The following ATP10A variants were observed in gnomAD, a reference collection of about 807,000 sequenced individuals.
ATP10A encodes the protein ATPase phospholipid transporting 10A (putative), also known as phospholipid-transporting ATPase VA.
A neutral mutation model predicts 147.8 loss-of-function variants in ATP10A; 111 were observed. That is an observed-to-expected ratio of 0.75 (90% CI 0.64 to 0.88). The LOEUF (loss-of-function observed/expected upper bound fraction) is 0.88. ATP10A is among the 40% of genes least tolerant of loss of function. The pLI is 0.00. For synonymous variants in ATP10A, 875 were observed against 841.6 expected, an observed-to-expected ratio of 1.04 and a Z score of -0.69; for missense variants, 1,927 against 1,959.0, an observed-to-expected ratio of 0.98 and a Z score of 0.31.
intron 1 of ATP10A, among the ~76,000 whole-genome samples, chr15:25,845,158 C>T (rs1892961172): frequency 6.6e-6 from 1 of 152,178 alleles, no homozygotes; most frequent in African/African-American, 2.4e-5. Flanking sequence ...CTGCGGGGAG[C>T]GCTGGCAGGC....
chr15:25,739,874 A>C (rs1887487665), intron 2 of ATP10A, among the ~76,000 whole-genome samples: 1 of 152,248 alleles, frequency 6.6e-6, no homozygotes, highest in Non-Finnish European at 1.5e-5. Flanking sequence ...GTGGTGCAAC[A>C]GAGAGCCCTC....
At chr15:25,722,516 C>T (rs1397249585) in intron 6 of ATP10A, among the ~76,000 whole-genome samples, 1 of 152,200 alleles carries the variant, frequency 6.6e-6, no homozygotes, top group Non-Finnish European at 1.5e-5. Flanking sequence ...TTAATGTTTG[C>T]TTACTCATTT....
intron 1 of ATP10A, among the ~76,000 whole-genome samples, chr15:25,808,572 T>TG (rs1596930010): frequency 6.6e-6 from 1 of 152,146 alleles, no homozygotes; most frequent in South Asian, 2.1e-4. Flanking sequence ...TTCCTAGAGA[T>TG]GGGGTTTCTC....
intron 2 of ATP10A, among the ~76,000 whole-genome samples, chr15:25,762,228 G>A (rs1369238410): frequency 3.3e-5 from 5 of 152,016 alleles, no homozygotes; most frequent in African/African-American, 1.2e-4. Context: ...AGGCCTCCCC[G>A]GCCATGCCAA....
In ATP10A at chr15:25,695,052, A is replaced by C; in HGVS notation, c.2855T>G (p.Met952Arg). ...GGGTGGGCAGAGAGAGGAGAACCTC[A>C]TGCTCACTTTGCCCTTGGTCTTCTC... ...APEKTKGKVS[M>R]RFSSLCPPST... The change falls in exon 14 of 21, where the codon ATG (methionine) becomes AGG (arginine). Residue 952 changes from methionine to arginine, a missense_variant. Met to Arg is a moderately conservative substitution (Grantham distance 91). Transcript: ENST00000555815. 6.2e-7 allele frequency: 1 copy of C among 1,614,214 alleles called. No individual in the cohort carries two copies. Among genetic ancestry groups the C allele is most frequent in the Non-Finnish European group, 8.5e-7 (1 of 1,180,034 alleles).
At chr15:25,728,574 T>C (rs1436573329) in intron 3 of ATP10A, among the ~76,000 whole-genome samples, 1 of 152,194 alleles carries the variant, frequency 6.6e-6, no homozygotes, top group Non-Finnish European at 1.5e-5. Context: ...GGACACCCCC[T>C]ATCACGTGTC....
At chr15:25,730,942 G>A (rs1184802810) in intron 3 of ATP10A, among the ~76,000 whole-genome samples, 2 of 152,184 alleles carry the variant, frequency 1.3e-5, no homozygotes, top group East Asian at 1.9e-4. Flanking sequence ...GTTTTAATGA[G>A]TCTAGTTGAT....
intron 3 of ATP10A, among the ~76,000 whole-genome samples, chr15:25,731,155 C>T (rs1227733316): frequency 6.6e-6 from 1 of 152,190 alleles, no homozygotes; most frequent in Non-Finnish European, 1.5e-5. Context: ...GCAGCTGGTG[C>T]TCGTGCCGGC....
At chr15:25,756,933 T>C in intron 2 of ATP10A, among the ~76,000 whole-genome samples, 1 of 152,182 alleles carries the variant, frequency 6.6e-6, no homozygotes, top group East Asian at 1.9e-4. Flanking sequence ...TTTAGCTCAA[T>C]GTCAAATAAA....
chr15:25,716,164 C>A (rs952901349), intron 9 of ATP10A, among the ~76,000 whole-genome samples: 1 of 152,242 alleles, frequency 6.6e-6, no homozygotes, highest in Non-Finnish European at 1.5e-5. Flanking sequence ...CATGGCCCCA[C>A]GGCCCAGGCG....
intron 17 of ATP10A, among the ~76,000 whole-genome samples, chr15:25,682,045 C>A (rs1193539002): frequency 1.7e-5 from 2 of 120,236 alleles, no homozygotes; most frequent in South Asian, 2.9e-4. Flanking sequence ...CAGAGCGAGA[C>A]CTTGTCTTAA....
chr15:25,786,908 T>G, intron 1 of ATP10A, among the ~76,000 whole-genome samples: 1 of 151,846 alleles, frequency 6.6e-6, no homozygotes. Context: ...GTGCTGGGAT[T>G]ACAGGTGTGA....
chr15:25,734,300 C>T (rs1050798176), intron 3 of ATP10A, among the ~76,000 whole-genome samples: 1 of 152,198 alleles, frequency 6.6e-6, no homozygotes, highest in African/African-American at 2.4e-5. Flanking sequence ...ACACCAAGGA[C>T]AATGAGCTAG....
chr15:25,862,477 G>A, intron 1 of ATP10A, 171 bp downstream of exon 1: 1 of 820,396 alleles, frequency 1.2e-6, no homozygotes, highest in South Asian at 1.7e-5. Flanking sequence ...AGAGGCCTTG[G>A]CGGCGCTGTG....
At chr15:25,730,608 G>C (rs1902923360) in intron 3 of ATP10A, among the ~76,000 whole-genome samples, 1 of 152,092 alleles carries the variant, frequency 6.6e-6, no homozygotes, top group African/African-American at 2.4e-5. Context: ...CCCTTACCAA[G>C]TATCCTTCCT....
intron 1 of ATP10A, among the ~76,000 whole-genome samples, chr15:25,816,453 T>TAAA (rs1280379050): frequency 2.0e-5 from 3 of 152,204 alleles, no homozygotes; most frequent in African/African-American, 7.2e-5. Flanking sequence ...CCCTAAATAA[T>TAAA]AAAATTGGTT....
At position 25,687,743 on chromosome 15, in the gene ATP10A, C is replaced by T; in HGVS notation, c.3251G>A (p.Arg1084Gln). 4 of 1,610,918 alleles carry T rather than the reference C, an allele frequency of 2.5e-6. No homozygotes were observed. The highest frequency in any genetic ancestry group is 1.1e-5 in the South Asian group (1 of 90,754). ...LILHGHWCYSRLANMVLYFFY... is the reference protein window; with the variant it reads ...LILHGHWCYSQLANMVLYFFY... ...GAAGTACAGCACCATGTTGGCAAGT[C>T]GGGAGTAGCACCAATGCCCGTGAAG... is the stretch of plus-strand genomic sequence containing the variant. Residue 1084 changes from arginine (R) to glutamine (Q), a missense_variant, in exon 16 of 21, where the codon CGA becomes CAA. By Grantham distance (43) the Arg-to-Gln change is conservative. Transcript: ENST00000555815.
chr15:25,766,761 G>A (rs1437123285), intron 2 of ATP10A, among the ~76,000 whole-genome samples: 1 of 151,894 alleles, frequency 6.6e-6, no homozygotes, highest in African/African-American at 2.4e-5. Flanking sequence ...AGCGCTCCTC[G>A]GGCCTCAGCA....
intron 1 of ATP10A, among the ~76,000 whole-genome samples, chr15:25,856,360 T>C (rs1477877664): frequency 6.6e-6 from 1 of 152,182 alleles, no homozygotes; most frequent in East Asian, 1.9e-4. Context: ...CTTCTGTCAT[T>C]ATTGTAAGTT....
Sources: gnomAD v4.1 joint callset for allele counts (sites outside exome capture counted in the v4.1 genomes callset) on GRCh38, gnomAD v4.1.1 for gene constraint, MANE v1.5 for transcripts, NCBI Gene and HGNC (gene_info 2026-07-23, HGNC 2026-07-21) for gene names.